Variants in ZSCAN5A observed in about 807,000 individuals in gnomAD.
ZSCAN5A encodes the protein zinc finger and SCAN domain-containing protein 5A.
A neutral mutation model predicts 23.7 loss-of-function variants in ZSCAN5A; 12 were observed. The observed-to-expected ratio is 0.51, with a 90% CI of 0.32 to 0.82. ZSCAN5A has a LOEUF of 0.82. Ranked by LOEUF, ZSCAN5A falls within the 40% of genes least tolerant of loss-of-function variation. The pLI is 0.03. For missense variants in ZSCAN5A, 597 were observed against 617.9 expected (o/e 0.97, Z 0.36); for synonymous variants, 257 against 239.9 (o/e 1.07, Z -0.66).
intron 3 of ZSCAN5A, chr19:56,224,281 C>G (rs1432598811): frequency 8.1e-6 from 2 of 248,398 alleles, no homozygotes; most frequent in African/African-American, 4.5e-5. Context: ...GCCTCCTTCC[C>G]TACATTCCAT....
chr19:56,302,806 CCTCT>C (rs1158293708), intron 2 of ZSCAN5A: 1 of 398,426 alleles, frequency 2.5e-6, no homozygotes, highest in Non-Finnish European at 4.4e-6. Flanking sequence ...ACTCATTCTG[CCTCT>C]CTCTCTGCCG....
intron 2 of ZSCAN5A, among the ~76,000 whole-genome samples, chr19:56,236,405 C>CA: frequency 1.0e-5 from 1 of 95,530 alleles, no homozygotes; most frequent in Admixed American, 1.0e-4. Context: ...GTGGGCCAAG[C>CA]CTCCATTCCA....
intron 2 of ZSCAN5A, among the ~76,000 whole-genome samples, chr19:56,238,037 C>T: frequency 1.3e-3 from 1 of 796 alleles, no homozygotes; most frequent in Admixed American, 0.02. Context: ...AAAAGCAAGC[C>T]AGGAGTCGTG....
chr19:56,280,719 G>C (rs1255322361), intron 2 of ZSCAN5A: 2 of 152,190 alleles, frequency 1.3e-5, no homozygotes, highest in African/African-American at 4.8e-5. Context: ...AAAGGACAGA[G>C]AGAGAGACAG....
At position 56,303,323 on chromosome 19, in the gene ZSCAN5A, C is replaced by CA. The variant is rs781060872; in HGVS notation, c.-128+9959dup. On this transcript the variant is annotated intron_variant, in intron 2 of 5. Coordinates refer to ENST00000683990, the MANE Select transcript of ZSCAN5A (RefSeq NM_001322064.3). ...TGAAACCCCGTCTCTACTAAAAATACAAAAAATAGCCGGGCATGGTGGCGC... is the reference window on the plus strand; with the variant it reads ...TGAAACCCCGTCTCTACTAAAAATACAAAAAAATAGCCGGGCATGGTGGCGC... Among the ~76,000 whole-genome samples the CA allele has an allele frequency of 7.4e-4, 112 of 151,728 alleles. 1 individual carries two copies. Among genetic ancestry groups the CA allele is most frequent in the Non-Finnish European group, 1.3e-3 (90 of 67,930 alleles).
At position 56,230,680 on chromosome 19, in the gene ZSCAN5A, C is replaced by G. The variant is rs565836936; in HGVS notation, c.-127-5507G>C. On this transcript the variant is annotated intron_variant, in intron 2 of 5. Transcript: ENST00000683990. ...GTTGGAAACATTTAAGATACACCCT[C>G]TGAGCAAATTTCAAGTATACAGTAC... is the stretch of plus-strand genomic sequence containing the variant. Among the ~76,000 whole-genome samples the G allele has an allele frequency of 3.6e-4, 54 of 151,382 alleles. 1 individual carries two copies. Among genetic ancestry groups the G allele is most frequent in the Middle Eastern group, 3.4e-3 (1 of 294 alleles).
At chr19:56,317,886 G>A (rs1396540151), upstream of ZSCAN5A, 1 of 152,314 alleles carries the variant, frequency 6.6e-6, no homozygotes, top group East Asian at 1.9e-4. Context: ...GGCTGTGCAT[G>A]CCAGAGTCAG....
At chr19:56,238,538 G>A (rs1296571081) in intron 2 of ZSCAN5A, among the ~76,000 whole-genome samples, 1 of 152,118 alleles carries the variant, frequency 6.6e-6, no homozygotes, top group Non-Finnish European at 1.5e-5. Flanking sequence ...CAGGAGGCTG[G>A]AGCAGGAGGC....
At chr19:56,347,607 G>A (rs1568762761) in intron 2 of ZSCAN5A, 3 of 152,226 alleles carry the variant, frequency 2.0e-5, no homozygotes, top group East Asian at 3.9e-4. Flanking sequence ...GTCTATAATG[G>A]ACCAAAAGCC....
chr19:56,364,381 T>C (rs953634702), intron 1 of ZSCAN5A, among the ~76,000 whole-genome samples: 5 of 152,210 alleles, frequency 3.3e-5, no homozygotes, highest in South Asian at 2.1e-4. Flanking sequence ...TCTATTGATA[T>C]TACTTTTGCT....
intron 2 of ZSCAN5A, chr19:56,281,667 G>A (rs1174239758): frequency 1.0e-6 from 1 of 984,698 alleles, no homozygotes; most frequent in Non-Finnish European, 1.2e-6. Context: ...TGATTCACTG[G>A]CTCCTGGCTC....
chr19:56,262,787 G>C (rs981232144), intron 2 of ZSCAN5A, among the ~76,000 whole-genome samples: 3 of 152,076 alleles, frequency 2.0e-5, no homozygotes, highest in African/African-American at 7.2e-5. Flanking sequence ...TGTATGTATC[G>C]ATAGTTCATC....
chr19:56,324,042 A>G (rs773802407), intron 2 of ZSCAN5A, among the ~76,000 whole-genome samples: 1 of 152,168 alleles, frequency 6.6e-6, no homozygotes, highest in Non-Finnish European at 1.5e-5. Flanking sequence ...TGTTAACTAT[A>G]GTTGCCCTGC....
At position 56,221,647 on chromosome 19, in the gene ZSCAN5A, A is replaced by G. The variant is rs754807953; in HGVS notation, c.1419T>C (p.Cys473=). The change falls in exon 6 of 6, where the codon TGT becomes TGC. Residue 473 remains cysteine (C), a synonymous_variant. Coordinates refer to ENST00000683990, the MANE Select transcript of ZSCAN5A (RefSeq NM_001322064.3). ...SGEKPYKCSK[C]PRAFSRLKLL... is the part of the protein sequence containing the mutation. ...ATTTCAGCCGACTGAAGGCTCTTGG[A>G]CACTTGGAACATTTGTAGGGTTTCT... The G allele has an allele frequency of 1.2e-6, 2 of 1,614,088 alleles. No homozygotes were observed. Among genetic ancestry groups the G allele is most frequent in the East Asian group, 2.2e-5 (1 of 44,884 alleles).
chr19:56,296,301 T>TG (rs1322526749), intron 2 of ZSCAN5A: 14 of 152,192 alleles, frequency 9.2e-5, no homozygotes, highest in African/African-American at 3.4e-4. Flanking sequence ...ATGCTGTCCC[T>TG]TCTGACTCGC....
chr19:56,350,326 T>C (rs921029008), intron 2 of ZSCAN5A, among the ~76,000 whole-genome samples: 2 of 152,248 alleles, frequency 1.3e-5, no homozygotes, highest in African/African-American at 2.4e-5. Flanking sequence ...GGATTTTGTA[T>C]GGTAAATTCT....
At chr19:56,332,748 G>A (rs2041500841) in intron 2 of ZSCAN5A, among the ~76,000 whole-genome samples, 1 of 152,170 alleles carries the variant, frequency 6.6e-6, no homozygotes, top group African/African-American at 2.4e-5. Context: ...TTGCTTTATA[G>A]GATCTGAGGA....
chr19:56,229,699 A>T (rs2146469909), intron 2 of ZSCAN5A, among the ~76,000 whole-genome samples: 1 of 152,248 alleles, frequency 6.6e-6, no homozygotes, highest in Non-Finnish European at 1.5e-5. Context: ...GTCTATTAAT[A>T]GTATGGTCTT....
chr19:56,302,598 CTCT>C (rs1343303437), intron 2 of ZSCAN5A, among the ~76,000 whole-genome samples: 8 of 74,718 alleles, frequency 1.1e-4, no homozygotes, highest in Admixed American at 2.9e-4. Context: ...CTTCCTCTCC[CTCT>C]TCTTCCTCTC....
Sources: gnomAD v4.1 joint callset for allele counts (sites outside exome capture counted in the v4.1 genomes callset) on GRCh38, gnomAD v4.1.1 for gene constraint, MANE v1.5 for transcripts, NCBI Gene and HGNC (gene_info 2026-07-23, HGNC 2026-07-21) for gene names.